PSG2: variants seen among roughly 807,000 people sequenced by gnomAD.
PSG2 encodes the protein pregnancy specific beta-1-glycoprotein 2.
Under a neutral mutation model 36.2 loss-of-function variants are expected in PSG2, and 49 were observed. That is an observed-to-expected ratio of 1.35 (90% CI 1.08 to 1.72). The LOEUF (loss-of-function observed/expected upper bound fraction) is 1.72, where lower values mean the gene tolerates loss of function less well. PSG2 is among the 40% of genes most tolerant of loss of function. The probability of loss-of-function intolerance (pLI) is 0.00; values close to 1 mark genes in which losing one functional copy is unlikely to be tolerated. For synonymous variants in PSG2, 261 were observed against 155.6 expected (o/e 1.68, Z -5.04); for missense variants, 605 against 407.2 (o/e 1.49, Z -4.18).
Position 43,071,934 on chromosome 19 carries a change from T to C in PSG2, c.730A>G (p.Ile244Val), listed in dbSNP as rs146448908. Residue 244 changes from isoleucine to valine, a missense_variant, in exon 4 of 6, where the codon ATT (isoleucine) becomes GTT (valine). By Grantham distance (29) the Ile-to-Val change is conservative. Coordinates refer to ENST00000406487, the MANE Select transcript of PSG2 (RefSeq NM_031246.4). ...CGGTAATTGGTGTATGAAGGGTGAA[T>C]TCTGGGGAGGTCTGGACCATCTGGA... ...NLLHGPDLPR[I>V]HPSYTNYRSG... is the part of the protein sequence containing the mutation. 19 of 1,612,562 alleles carry C rather than the reference T, an allele frequency of 1.2e-5. 1 individual carries two copies. The African/African-American group carries it at 2.6e-4, about 22-fold the overall frequency.
At position 43,082,582 on chromosome 19, in the gene PSG2, C is replaced by G; in HGVS notation, c.-13G>C. The G allele has an allele frequency of 6.2e-7, 1 of 1,611,074 alleles. No individual in the cohort carries two copies. The highest frequency in any genetic ancestry group is 1.1e-5 in the South Asian group (1 of 91,002). ...AGAGGGGCCCCATGGTCTCTGCTGC[C>G]TGTGTGTTCTCCTCTGTGGAGATGA... On this transcript the variant is annotated 5_prime_UTR_variant, in exon 1 of 6. Transcript: ENST00000406487.
At chr19:43,073,991 T>G (rs1339944498) in intron 3 of PSG2, among the ~76,000 whole-genome samples, 1 of 151,668 alleles carries the variant, frequency 6.6e-6, no homozygotes, top group African/African-American at 2.4e-5. Flanking sequence ...CTTGCCCTTT[T>G]TTTTCTCTCA....
chr19:43,073,019 C>G (rs369311721), intron 3 of PSG2, among the ~76,000 whole-genome samples: 21 of 151,764 alleles, frequency 1.4e-4, no homozygotes, highest in African/African-American at 5.1e-4. Flanking sequence ...CTTTGCCCCC[C>G]TAGATGTGAT....
At chr19:43,073,023 A>T (rs1017443221) in intron 3 of PSG2, among the ~76,000 whole-genome samples, 2 of 151,556 alleles carry the variant, frequency 1.3e-5, no homozygotes, top group Non-Finnish European at 2.9e-5. Flanking sequence ...GCCCCCCTAG[A>T]TGTGATTTCT....
chr19:43,078,080 A>C (rs1432186222), intron 2 of PSG2, among the ~76,000 whole-genome samples: 2 of 151,726 alleles, frequency 1.3e-5, no homozygotes, highest in African/African-American at 4.9e-5. Flanking sequence ...CTGGTGAGTC[A>C]TTGCAGAGAT....
chr19:43,078,468 A>G (rs1163941880), intron 2 of PSG2, among the ~76,000 whole-genome samples: 1 of 151,654 alleles, frequency 6.6e-6, no homozygotes, highest in Non-Finnish European at 1.5e-5. Context: ...GTCTTTTGAG[A>G]TGTTTCTCAT....
rs1296883628 is a variant in PSG2, at chr19:43,075,290, C to G, written c.709+64G>C. ...TTGGACCTGAGAGGGACTGAGAGGCCTGGCCTCTGGCCATGTGTATTTGGG... is the reference window on the plus strand; with the variant it reads ...TTGGACCTGAGAGGGACTGAGAGGCGTGGCCTCTGGCCATGTGTATTTGGG... On this transcript the variant is annotated intron_variant, in intron 3 of 5. Coordinates refer to ENST00000406487, the MANE Select transcript of PSG2 (RefSeq NM_031246.4). 1.4e-5 allele frequency: 22 copies of G among 1,612,542 alleles called. 1 individual carries two copies. The highest frequency in any genetic ancestry group is 1.8e-5 in the Non-Finnish European group (21 of 1,179,384).
chr19:43,077,238 T>C (rs1331714945), intron 2 of PSG2, among the ~76,000 whole-genome samples: 4 of 151,468 alleles, frequency 2.6e-5, no homozygotes, highest in South Asian at 2.1e-4. Flanking sequence ...CAAAGAAAGA[T>C]GCCAAAGGTG....
rs1432173770 is a variant in PSG2, at chr19:43,074,373, A to G, written c.709+981T>C. On this transcript the variant is annotated intron_variant, in intron 3 of 5. Coordinates refer to ENST00000406487, the MANE Select transcript of PSG2 (RefSeq NM_031246.4). ...ATTGATATCGTCTTTAATTTCTTTC[A>G]GCAATGTTTTGTAGTTTTCAAGGTA... Among the ~76,000 whole-genome samples, 5 of 151,714 alleles carry G rather than the reference A, an allele frequency of 3.3e-5. 1 individual carries two copies. Among genetic ancestry groups the G allele is most frequent in the African/African-American group, 1.2e-4 (5 of 41,098 alleles).
Position 43,064,586 on chromosome 19 carries a change from C to T in PSG2, c.*56G>A, listed in dbSNP as rs967600434. The T allele has an allele frequency of 1.3e-5, 9 of 669,368 alleles. No individual in the cohort carries two copies. Among genetic ancestry groups the T allele is most frequent in the East Asian group, 5.7e-5 (2 of 34,964 alleles). 41.5% of individuals were successfully genotyped at this position (669,368 alleles called of 1,614,324 possible). On this transcript the variant is annotated 3_prime_UTR_variant, in exon 6 of 6. Transcript: ENST00000406487. The stretch of plus-strand genomic sequence containing the variant: ...TGTATTCAAGAGTCCTTGTAAGAGA[C>T]CTTTCCATAAATCTCCTTGAAGAAA...
In PSG2 at chr19:43,068,532, T is replaced by G. The variant is rs180721339; in HGVS notation, c.965-1932A>C. On this transcript the variant is annotated intron_variant, in intron 4 of 5. Transcript: ENST00000406487. ...CTACCAATTCTAATAAAATAATGAT[T>G]ATGAAAGTACTATAAATAATTGTAT... Among the ~76,000 whole-genome samples, 94 of 150,716 alleles carry G rather than the reference T, an allele frequency of 6.2e-4. 2 individuals are homozygous for G. Among genetic ancestry groups the G allele is most frequent in the African/African-American group, 2.2e-3 (91 of 40,958 alleles).
intron 2 of PSG2, among the ~76,000 whole-genome samples, chr19:43,079,543 G>C (rs1376265092): frequency 3.3e-5 from 5 of 151,664 alleles, no homozygotes; most frequent in Non-Finnish European, 5.9e-5. Context: ...CACTGGGCCT[G>C]TGCTGATGCA....
chr19:43,064,841 T>C (rs931710979), intron 5 of PSG2, among the ~76,000 whole-genome samples: 1 of 150,226 alleles, frequency 6.7e-6, no homozygotes, highest in Non-Finnish European at 1.5e-5. Context: ...ATTAAAAAAA[T>C]TTTTTTTTCA....
rs1283296968 is a variant in PSG2, at chr19:43,077,745, G to T, written c.431-2113C>A. Among the ~76,000 whole-genome samples, 4 of 151,740 alleles carry T rather than the reference G, an allele frequency of 2.6e-5. 1 individual carries two copies. Among genetic ancestry groups the T allele is most frequent in the African/African-American group, 9.7e-5 (4 of 41,126 alleles). The stretch of plus-strand genomic sequence containing the variant: ...CCCACAACTACATAATTTAAAAATT[G>T]CTACTGTCAAAACAAAATATTAAAT... On this transcript the variant is annotated intron_variant, in intron 2 of 5. Transcript: ENST00000406487.
intron 4 of PSG2, among the ~76,000 whole-genome samples, chr19:43,068,282 A>G (rs1397807807): frequency 6.6e-6 from 1 of 151,240 alleles, no homozygotes; most frequent in Non-Finnish European, 1.5e-5. Context: ...AAAAAAATAA[A>G]AAACCAATTA....
intron 1 of PSG2, 192 bp downstream of exon 1, chr19:43,082,314 G>C: frequency 1.2e-6 from 1 of 829,124 alleles, no homozygotes; most frequent in Non-Finnish European, 1.8e-6. Flanking sequence ...TTAATTTTTT[G>C]TATTTTTAGT....
Position 43,072,067 on chromosome 19 carries a change from G to T in PSG2, c.710-113C>A, listed in dbSNP as rs1967826777. 8.2e-6 allele frequency: 12 copies of T among 1,459,174 alleles called. 1 individual carries two copies. The highest frequency in any genetic ancestry group is 8.4e-6 in the Non-Finnish European group (9 of 1,075,880). 90.4% of individuals were successfully genotyped at this position (1,459,174 alleles called of 1,614,324 possible). ...AGACAAGACACATCCTCAAGTCCCAGCAAAACCCCCTCTATGTTCACTGAG... is the reference window on the plus strand; with the variant it reads ...AGACAAGACACATCCTCAAGTCCCATCAAAACCCCCTCTATGTTCACTGAG... On this transcript the variant is annotated intron_variant, in intron 3 of 5. Transcript: ENST00000406487.
intron 3 of PSG2, among the ~76,000 whole-genome samples, chr19:43,074,617 T>C (rs538588395): frequency 7.2e-5 from 11 of 151,758 alleles, no homozygotes; most frequent in African/African-American, 2.7e-4. Flanking sequence ...CCCTCTCCCT[T>C]TGCAGAGGGC....
rs1599711851 is a variant in PSG2, at chr19:43,081,077, G to A, written c.234C>T (p.Tyr78=). Residue 78 remains tyrosine (Y), a synonymous_variant, in exon 2 of 6, where the codon TAC becomes TAT. Coordinates refer to ENST00000406487, the MANE Select transcript of PSG2 (RefSeq NM_031246.4). ...YKGQIRDLYH[Y]ITSYVVDGQI... is the part of the protein sequence containing the mutation. ...GACCGTCTACTACATATGATGTAAT[G>A]TAATGGTAGAGGTCCCTGATTTGCC... The A allele has an allele frequency of 4.3e-6, 7 of 1,612,794 alleles. No individual in the cohort carries two copies. Among genetic ancestry groups the A allele is most frequent in the Admixed American group, 3.3e-5 (2 of 59,926 alleles).
Sources: gnomAD v4.1 joint callset for allele counts (sites outside exome capture counted in the v4.1 genomes callset) on GRCh38, gnomAD v4.1.1 for gene constraint, MANE v1.5 for transcripts, NCBI Gene and HGNC (gene_info 2026-07-23, HGNC 2026-07-21) for gene names.